The following CLIP3 variants were observed in gnomAD, a reference collection of about 807,000 sequenced individuals.
The protein encoded by CLIP3 is CAP-Gly domain containing linker protein 3, also known as CAP-Gly domain-containing linker protein 3.
A neutral mutation model predicts 59.4 loss-of-function variants in CLIP3; 15 were observed. The observed-to-expected ratio is 0.25, with a 90% CI of 0.17 to 0.39. The LOEUF (loss-of-function observed/expected upper bound fraction) is 0.39, where lower values mean the gene tolerates loss of function less well. Among genes scored for constraint, CLIP3 ranks in the 10% least tolerant of loss-of-function variants. The pLI, the probability that CLIP3 is intolerant of heterozygous loss-of-function variation, is 1.00. For missense variants in CLIP3, 495 were observed against 765.7 expected (o/e 0.65, Z 4.17); for synonymous variants, 300 against 321.6 (o/e 0.93, Z 0.72).
rs1442288125 is a variant in CLIP3, at chr19:36,032,144, G to C, written c.166+48C>G. On this transcript the variant is annotated intron_variant, in intron 2 of 13. Transcript: ENST00000360535. This position sits in a 1 kb window ranked among gnomAD's most constrained non-coding sequence, Gnocchi z 4.3. ...CAGCAGAGCACAGCCCACCCTCCCC[G>C]GCCACCCAACGCTCCAGGCCAGATT... 3.6e-6 allele frequency: 4 copies of C among 1,099,042 alleles called. No homozygotes were observed. Among genetic ancestry groups the C allele is most frequent in the Non-Finnish European group, 4.7e-6 (4 of 851,248 alleles). 68.1% of individuals were successfully genotyped at this position (1,099,042 alleles called of 1,614,324 possible).
At chr19:36,017,272 C>T in intron 12 of CLIP3, 114 bp downstream of exon 12, 1 of 1,072,008 alleles carries the variant, frequency 9.3e-7, no homozygotes, top group Non-Finnish European at 1.4e-6. Context: ...TTTCCTGGAC[C>T]CTGTGTCCCC....
At chr19:36,024,990 C>A (rs1369460372) in intron 6 of CLIP3, among the ~76,000 whole-genome samples, 1 of 150,588 alleles carries the variant, frequency 6.6e-6, no homozygotes, top group African/African-American at 2.4e-5. Context: ...CGCTTGAATC[C>A]GGGAAGCAGA....
At position 36,016,864 on chromosome 19, in the gene CLIP3, C is replaced by A. The variant is rs774448951; in HGVS notation, c.1589+43G>T. 1.4e-5 allele frequency: 22 copies of A among 1,598,126 alleles called. No individual in the cohort carries two copies. The highest frequency in any genetic ancestry group is 1.9e-5 in the Non-Finnish European group (22 of 1,168,590). On this transcript the variant is annotated intron_variant, in intron 13 of 13. Transcript: ENST00000360535. The surrounding 1 kb of genome is among the most constrained non-coding windows in gnomAD (Gnocchi z 4.1). ...TCCAACTGCCTTATGGATCCCTCTCCCTGAATGTCACATAGGAGAGGGGAC... is the reference window on the plus strand; with the variant it reads ...TCCAACTGCCTTATGGATCCCTCTCACTGAATGTCACATAGGAGAGGGGAC...
In CLIP3 at chr19:36,027,001, G is replaced by A. The variant is rs749887537; in HGVS notation, c.351C>T (p.Thr117=). Residue 117 remains threonine (T), a synonymous_variant, in exon 4 of 14, where the codon ACC becomes ACT. Transcript: ENST00000360535. ...ACGCATAGTGGAGCAGTGTCATGTC[G>A]GTCAGCCCGTCACGATCGTTCACAT... The part of the protein sequence containing the change: ...GCHVNDRDGL[T]DMTLLHYACK... The A allele has an allele frequency of 5.0e-6, 8 of 1,586,844 alleles. No individual in the cohort carries two copies. In the South Asian group the frequency reaches 6.9e-5, roughly 14 times the overall value.
chr19:36,015,454 G>A lies in CLIP3; in HGVS notation c.*704C>T, dbSNP rs1480945345. On this transcript the variant is annotated 3_prime_UTR_variant, in exon 14 of 14. Coordinates refer to ENST00000360535, the MANE Select transcript of CLIP3 (RefSeq NM_015526.3). ...GGGGTGGGCTTCATACAAGGCACTG[G>A]GGGTTTCTTGAGGGTGCAGAGGGTA... is the stretch of plus-strand genomic sequence containing the variant. The A allele has an allele frequency of 6.5e-6, 1 of 152,866 alleles. No individual in the cohort carries two copies. Among genetic ancestry groups the A allele is most frequent in the African/African-American group, 2.4e-5 (1 of 41,434 alleles). 9.5% of individuals were successfully genotyped at this position (152,866 alleles called of 1,614,324 possible).
chr19:36,019,406 T>G, intron 7 of CLIP3, 100 bp from the exon 8 acceptor site: 1 of 1,451,060 alleles, frequency 6.9e-7, no homozygotes, highest in Non-Finnish European at 9.4e-7. Context: ...GAGGCCGCCC[T>G]GGGCCCAAAC....
At chr19:36,022,061 T>C (rs1370417080) in intron 7 of CLIP3, among the ~76,000 whole-genome samples, 2 of 151,878 alleles carry the variant, frequency 1.3e-5, no homozygotes, top group African/African-American at 4.8e-5. Flanking sequence ...TGTATTTTTT[T>C]TGTAGAGACG....
chr19:36,024,364 C>G (rs1239274708), intron 7 of CLIP3, 32 bp downstream of exon 7: 1 of 1,576,214 alleles, frequency 6.3e-7, no homozygotes. Context: ...CCACCCCCAC[C>G]CACCATGCAA....
intron 7 of CLIP3, among the ~76,000 whole-genome samples, chr19:36,023,567 T>C (rs1188285499): frequency 1.4e-5 from 2 of 139,364 alleles, no homozygotes; most frequent in African/African-American, 5.5e-5. Context: ...AGAAATTACC[T>C]TTTTTTTTTT....
At position 36,015,888 on chromosome 19, in the gene CLIP3, A is replaced by C. The variant is rs916244192; in HGVS notation, c.*270T>G. The C allele has an allele frequency of 1.7e-5, 9 of 530,440 alleles. No individual in the cohort carries two copies. In the Admixed American group the frequency reaches 2.8e-4, roughly 17 times the overall value. 32.9% of individuals were successfully genotyped at this position (530,440 alleles called of 1,614,324 possible). ...TTTGGGGTGATATGGAAATCTGTTA[A>C]TCTGGGAATCTGCTCTGAGGGGTTG... On this transcript the variant is annotated 3_prime_UTR_variant, in exon 14 of 14. Transcript: ENST00000360535.
chr19:36,019,121 G>A (rs538440517), intron 8 of CLIP3, 50 bp downstream of exon 8: 24 of 1,610,746 alleles, frequency 1.5e-5, no homozygotes, highest in Middle Eastern at 1.6e-4. Flanking sequence ...CATCAGAACT[G>A]CCGAGTGGAC....
chr19:36,020,719 A>T (rs1021982558), intron 7 of CLIP3, among the ~76,000 whole-genome samples: 1 of 152,246 alleles, frequency 6.6e-6, no homozygotes. Flanking sequence ...GCTTGTAGCT[A>T]CTTTACTGGA....
At chr19:36,024,346 G>T (rs1568542284) in intron 7 of CLIP3, 50 bp downstream of exon 7, 2 of 1,521,074 alleles carry the variant, frequency 1.3e-6, no homozygotes. Context: ...GGATTAAGGG[G>T]CTGAGTCCCA....
At chr19:36,022,928 A>G (rs7257011) in intron 7 of CLIP3, among the ~76,000 whole-genome samples, 66,561 of 151,732 alleles carry the variant, frequency 0.44, 16,279 homozygotes, top group African/African-American at 0.66. Context: ...GGTGGTGGGC[A>G]CCTGTAGTCC....
intron 7 of CLIP3, among the ~76,000 whole-genome samples, chr19:36,023,872 C>T (rs892725957): frequency 6.6e-6 from 1 of 152,082 alleles, no homozygotes; most frequent in African/African-American, 2.4e-5. Context: ...AATTGGAGTC[C>T]CTGGATAAAT....
In CLIP3 at chr19:36,016,233, G is replaced by A. The variant is rs778454688; in HGVS notation, c.1590-21C>T. The A allele has an allele frequency of 3.7e-6, 6 of 1,614,018 alleles. No homozygotes were observed. In the Admixed American group the frequency reaches 1.0e-4, roughly 27 times the overall value. On this transcript the variant is annotated intron_variant, in intron 13 of 13. Transcript: ENST00000360535. The surrounding 1 kb of genome is among the most constrained non-coding windows in gnomAD (Gnocchi z 4.1). Reference sequence around the variant, plus strand: ...GCAACCTGGAAAGGAGGATGACAGGGTCACGCCCTTAGGCAGGCAGCGGGG... The same window carrying A: ...GCAACCTGGAAAGGAGGATGACAGGATCACGCCCTTAGGCAGGCAGCGGGG...
chr19:36,032,318 G>T lies in CLIP3; in HGVS notation c.40C>A (p.Arg14=). ...TDPAPMAPPP[R]GEEEEEEEED... is the part of the protein sequence containing the mutation. ...TCCTCCTCTTCTTCCTCCTCTCCTC[G>T]GGGTGGCGGGGCCATCGGGGCAGGA... Residue 14 remains arginine, a synonymous_variant, in exon 2 of 14, where the codon CGA becomes AGA. Coordinates refer to ENST00000360535, the MANE Select transcript of CLIP3 (RefSeq NM_015526.3). The surrounding 1 kb of genome is among the most constrained non-coding windows in gnomAD (Gnocchi z 4.3). The T allele has an allele frequency of 7.8e-7, 1 of 1,275,300 alleles. No homozygotes were observed. The highest frequency in any genetic ancestry group is 3.1e-5 in the South Asian group (1 of 31,980). 79.0% of individuals were successfully genotyped at this position (1,275,300 alleles called of 1,614,324 possible). A position where few individuals can be genotyped will look rare whatever the true frequency, so the allele number is the denominator to read the frequency against.
At chr19:36,030,626 G>A (rs1969229149) in intron 2 of CLIP3, among the ~76,000 whole-genome samples, 1 of 152,260 alleles carries the variant, frequency 6.6e-6, no homozygotes, top group Admixed American at 6.5e-5. Context: ...CCACTCCTCT[G>A]CTCTTAAACA....
At chr19:36,031,075 G>A (rs1407276131) in intron 2 of CLIP3, among the ~76,000 whole-genome samples, 1 of 120,798 alleles carries the variant, frequency 8.3e-6, no homozygotes, top group Non-Finnish European at 1.6e-5. Context: ...AGGCTGGAGT[G>A]TAGTGGCTCG....
Sources: allele counts gnomAD v4.1 joint callset (sites outside exome capture counted in the v4.1 genomes callset), GRCh38; gene constraint gnomAD v4.1.1; non-coding constraint Gnocchi (gnomAD v3.1); transcripts MANE v1.5; gene names NCBI Gene and HGNC (gene_info 2026-07-23, HGNC 2026-07-21).